ADAMTSL1: variants seen among roughly 807,000 people sequenced by gnomAD.
ADAMTSL1 encodes the protein ADAMTS like 1.
Under a neutral mutation model 201.8 loss-of-function variants are expected in ADAMTSL1, and 126 were observed. The observed-to-expected ratio is 0.62, with a 90% CI of 0.54 to 0.72. The LOEUF is 0.72. Ranked by LOEUF, ADAMTSL1 falls within the 30% of genes least tolerant of loss-of-function variation. The probability of loss-of-function intolerance (pLI) is 0.00; values close to 1 mark genes in which losing one functional copy is unlikely to be tolerated. For synonymous variants in ADAMTSL1, 1,121 were observed against 903.4 expected, an observed-to-expected ratio of 1.24 and a Z score of -4.32; for missense variants, 2,679 against 2,277.8, an observed-to-expected ratio of 1.18 and a Z score of -3.59.
At chr9:18,493,593 A>G (rs1822373029) in intron 1 of ADAMTSL1, among the ~76,000 whole-genome samples, 1 of 152,250 alleles carries the variant, frequency 6.6e-6, no homozygotes, top group African/African-American at 2.4e-5. Flanking sequence ...CAGGTTAATC[A>G]TCTTTCAGCT....
intron 2 of ADAMTSL1, among the ~76,000 whole-genome samples, chr9:18,243,256 G>A (rs1321092752): frequency 6.6e-6 from 1 of 152,084 alleles, no homozygotes; most frequent in East Asian, 1.9e-4. Context: ...AATAAATGGT[G>A]CTGGAAAATG....
intron 2 of ADAMTSL1, among the ~76,000 whole-genome samples, chr9:18,309,857 C>T (rs967342946): frequency 9.2e-5 from 14 of 151,792 alleles, no homozygotes; most frequent in African/African-American, 3.1e-4. Flanking sequence ...CATATGGAAC[C>T]AAAAAAGAGC....
intron 15 of ADAMTSL1, chr9:18,723,261 G>C: frequency 1.6e-6 from 1 of 613,376 alleles, no homozygotes; most frequent in Non-Finnish European, 2.9e-6. Flanking sequence ...TCCTGCTGCT[G>C]TGTGCTAATC....
Position 18,753,497 on chromosome 9 carries a change from C to G in ADAMTSL1, c.2206C>G (p.Gln736Glu). 6.2e-7 allele frequency: 1 copy of G among 1,611,466 alleles called. No individual in the cohort carries two copies. Among genetic ancestry groups the G allele is most frequent in the East Asian group, 2.2e-5 (1 of 44,774 alleles). Residue 736 changes from glutamine (Q) to glutamate (E), a missense_variant, in exon 16 of 29, where the codon CAG (glutamine) becomes GAG (glutamate). Gln to Glu is a conservative substitution (Grantham distance 29, BLOSUM62 2). Transcript: ENST00000380548. ...FNCPPAWYPA[Q>E]WQPCSRTCGG... ...TTGCCCCCCAGCCTGGTACCCTGCA[C>G]AGTGGCAGCCGGTGAGTTCTGAAGT...
chr9:18,329,633 T>C (rs182779166), intron 2 of ADAMTSL1, among the ~76,000 whole-genome samples: 14 of 152,344 alleles, frequency 9.2e-5, no homozygotes, highest in Non-Finnish European at 1.6e-4. Context: ...CAGTGGCTTA[T>C]CTTTATCAGC....
chr9:17,934,295 A>G (rs1201317239), intron 1 of ADAMTSL1, among the ~76,000 whole-genome samples: 1 of 152,130 alleles, frequency 6.6e-6, no homozygotes, highest in Non-Finnish European at 1.5e-5. Context: ...CTTTAAATTC[A>G]CTTCCTCTAG....
chr9:18,203,154 A>C (rs528960394), intron 2 of ADAMTSL1, among the ~76,000 whole-genome samples: 2 of 152,238 alleles, frequency 1.3e-5, no homozygotes, highest in South Asian at 4.1e-4. Context: ...GTTTATACAA[A>C]GAGGACAGTA....
At chr9:18,092,071 C>G (rs988967441) in intron 1 of ADAMTSL1, among the ~76,000 whole-genome samples, 1 of 152,004 alleles carries the variant, frequency 6.6e-6, no homozygotes, top group African/African-American at 2.4e-5. Flanking sequence ...ATACTACATC[C>G]CCAAGCAGCT....
At chr9:18,656,954 A>G (rs1311394378) in intron 7 of ADAMTSL1, among the ~76,000 whole-genome samples, 8 of 152,308 alleles carry the variant, frequency 5.3e-5, no homozygotes, top group South Asian at 2.1e-4. Flanking sequence ...AGAAATTGCA[A>G]TTTCCATTAA....
chr9:18,872,024 G>C (rs971285983), intron 23 of ADAMTSL1, among the ~76,000 whole-genome samples: 4 of 152,102 alleles, frequency 2.6e-5, no homozygotes, highest in Non-Finnish European at 5.9e-5. Context: ...TTCCAACCAA[G>C]TCAGTAGTTT....
chr9:18,824,384 T>C (rs1014810323), intron 21 of ADAMTSL1, among the ~76,000 whole-genome samples: 11 of 152,210 alleles, frequency 7.2e-5, no homozygotes, highest in South Asian at 2.1e-4. Flanking sequence ...TAAAGTATCC[T>C]ACTGTTAGAG....
At chr9:18,558,307 G>A (rs552989338) in intron 3 of ADAMTSL1, among the ~76,000 whole-genome samples, 1 of 152,058 alleles carries the variant, frequency 6.6e-6, no homozygotes, top group Non-Finnish European at 1.5e-5. Context: ...ATGGTTTCCA[G>A]CTTTATCCAT....
chr9:18,577,237 G>T (rs1018790025), intron 4 of ADAMTSL1, among the ~76,000 whole-genome samples: 1 of 152,142 alleles, frequency 6.6e-6, no homozygotes, highest in Non-Finnish European at 1.5e-5. Flanking sequence ...TGTAATCTGG[G>T]CATTTTGGTA....
rs191586413 is a variant in ADAMTSL1 at position 17,998,660 on chromosome 9, A to G, written c.87+91738A>G. The stretch of plus-strand genomic sequence containing the variant: ...AGGTAAATGCTTTGGAAAAGGAAGT[A>G]GTAATGAGGGGGAAAGTCTTAGAAA... On this transcript the variant is annotated intron_variant, in intron 1 of 29. Coordinates refer to the ADAMTSL1 transcript ENST00000680146. Among the ~76,000 whole-genome samples the G allele has an allele frequency of 6.9e-4, 105 of 152,188 alleles. 1 individual carries two copies. Among genetic ancestry groups the G allele is most frequent in the Non-Finnish European group, 1.1e-3 (72 of 67,978 alleles).
At chr9:18,024,951 T>C (rs1418022045) in intron 1 of ADAMTSL1, among the ~76,000 whole-genome samples, 1 of 152,114 alleles carries the variant, frequency 6.6e-6, no homozygotes, top group African/African-American at 2.4e-5. Context: ...TTCTTAACAA[T>C]AGCCATTCTG....
At chr9:18,304,943 T>A (rs1833850789) in intron 2 of ADAMTSL1, among the ~76,000 whole-genome samples, 1 of 116,084 alleles carries the variant, frequency 8.6e-6, no homozygotes, top group African/African-American at 3.3e-5. Context: ...ACAGCTCCGA[T>A]CTGCAGCTCC....
Position 18,516,113 on chromosome 9 carries a change from A to G in ADAMTSL1, c.191+11157A>G, listed in dbSNP as rs772052831. 1.2e-3 allele frequency among the ~76,000 whole-genome samples: 182 copies of G among 151,732 alleles called. 2 individuals carry two copies. The highest frequency in any genetic ancestry group is 1.4e-3 in the Non-Finnish European group (95 of 67,924). Reference sequence around the variant, plus strand: ...AAAAAAAAAAAAAAGAAAGAAAAAGAAAGATTTCCTAATGCTACTTGCATA... The same window carrying G: ...AAAAAAAAAAAAAAGAAAGAAAAAGGAAGATTTCCTAATGCTACTTGCATA... On this transcript the variant is annotated intron_variant, in intron 2 of 28. Coordinates refer to ENST00000380548, the MANE Select transcript of ADAMTSL1 (RefSeq NM_001040272.6).
intron 2 of ADAMTSL1, among the ~76,000 whole-genome samples, chr9:18,310,828 A>G (rs1168905901): frequency 4.6e-5 from 7 of 152,182 alleles, no homozygotes; most frequent in Admixed American, 2.6e-4. Flanking sequence ...CAGAAATACC[A>G]TTTGACTCAG....
chr9:18,597,638 A>G (rs770836061), intron 4 of ADAMTSL1, among the ~76,000 whole-genome samples: 1 of 152,214 alleles, frequency 6.6e-6, no homozygotes, highest in Non-Finnish European at 1.5e-5. Flanking sequence ...AATGTTAAAA[A>G]TCAAATTCAA....
Sources: allele counts gnomAD v4.1 joint callset (sites outside exome capture counted in the v4.1 genomes callset), GRCh38; gene constraint gnomAD v4.1.1; transcripts MANE v1.5; gene names NCBI Gene and HGNC (gene_info 2026-07-23, HGNC 2026-07-21).